Variants in CASK observed in about 807,000 individuals in gnomAD.
CASK encodes the protein peripheral plasma membrane protein CASK.
A neutral mutation model predicts 82.9 loss-of-function variants in CASK; 4 were observed. That is an observed-to-expected ratio of 0.05 (90% CI 0.02 to 0.11). CASK has a LOEUF of 0.11. Among genes scored for constraint, CASK ranks in the 10% least tolerant of loss-of-function variants. The pLI is 1.00. For synonymous variants in CASK, 259 were observed against 253.5 expected (o/e 1.02, Z -0.20); for missense variants, 358 against 720.9 (o/e 0.50, Z 5.76).
At position 41,758,232 on chromosome X, in the gene CASK, C is replaced by T. The variant is rs184913555; in HGVS notation, c.279-12631G>A. ...GGCGGATAGCCTGAGGTCAGGAGTT[C>T]GAGACCAGCCTGGCCAACGTGGTGA... On this transcript the variant is annotated intron_variant, in intron 3 of 26. Coordinates refer to ENST00000378163, the MANE Select transcript of CASK (RefSeq NM_001367721.1). 9.7e-3 allele frequency among the ~76,000 whole-genome samples: 1,063 copies of T among 110,145 alleles called. 15 individuals carry two copies. The highest frequency in any genetic ancestry group is 0.033 in the African/African-American group (1,008 of 30,211).
intron 13 of CASK, among the ~76,000 whole-genome samples, chrX:41,589,240 T>C (rs2065706444): frequency 8.9e-6 from 1 of 112,212 alleles, no homozygotes; most frequent in Non-Finnish European, 1.9e-5. Flanking sequence ...GTAAAATAAC[T>C]TGCTTTTTTA....
intron 8 of CASK, among the ~76,000 whole-genome samples, chrX:41,653,932 A>G (rs2147442845): frequency 8.9e-6 from 1 of 111,926 alleles, no homozygotes; most frequent in African/African-American, 3.2e-5. Flanking sequence ...CAGTCAGCCT[A>G]GTGAATGGAA....
intron 2 of CASK, among the ~76,000 whole-genome samples, chrX:41,810,892 C>T: frequency 9.0e-6 from 1 of 111,248 alleles, no homozygotes; most frequent in South Asian, 3.8e-4. Context: ...GGAAGATCTA[C>T]CAAGCAAATG....
Position 41,760,130 on chromosome X carries a change from A to C in CASK, c.279-14529T>G, listed in dbSNP as rs146404129. On this transcript the variant is annotated intron_variant, in intron 3 of 26. Transcript: ENST00000378163. ...TGTATGGCTTTCTAATAATTTCCAGAAAAAAAGCAAGGCAGATAAGAGCAA... is the reference window on the plus strand; with the variant it reads ...TGTATGGCTTTCTAATAATTTCCAGCAAAAAAGCAAGGCAGATAAGAGCAA... Among the ~76,000 whole-genome samples the C allele has an allele frequency of 8.4e-3, 948 of 112,198 alleles. 2 individuals are homozygous for C. The highest frequency in any genetic ancestry group is 0.018 in the Middle Eastern group (4 of 217).
At chrX:41,917,031 T>TA (rs1397547912) in intron 1 of CASK, among the ~76,000 whole-genome samples, 1 of 112,313 alleles carries the variant, frequency 8.9e-6, no homozygotes, top group Non-Finnish European at 1.9e-5. Flanking sequence ...GAATAGTATA[T>TA]GGAACCTCTA....
intron 5 of CASK, chrX:41,695,704 G>C (rs142652017): frequency 8.3e-7 from 1 of 1,204,718 alleles, no homozygotes; most frequent in Non-Finnish European, 1.1e-6. Context: ...CACAGAATGC[G>C]CTTTATAACC....
intron 25 of CASK, among the ~76,000 whole-genome samples, chrX:41,525,846 C>T (rs1020928702): frequency 4.5e-5 from 5 of 111,388 alleles, no homozygotes; most frequent in Admixed American, 1.9e-4. Flanking sequence ...TTGGCTTTCA[C>T]TAGGATTATA....
At chrX:41,683,342 C>G (rs1418888183) in intron 5 of CASK, 1 of 111,659 alleles carries the variant, frequency 9.0e-6, no homozygotes, top group African/African-American at 3.3e-5. Context: ...CATATTGATG[C>G]CAAACTTCAT....
chrX:41,813,478 A>T (rs1281635223), intron 2 of CASK, among the ~76,000 whole-genome samples: 1 of 111,626 alleles, frequency 9.0e-6, no homozygotes, highest in Admixed American at 9.5e-5. Context: ...CCTGACAAAA[A>T]CAAGAAATAG....
chrX:41,829,568 T>C lies in CASK; in HGVS notation c.172+23547A>G, dbSNP rs765819811. Among the ~76,000 whole-genome samples, 519 of 85,269 alleles carry C rather than the reference T, an allele frequency of 6.1e-3. 3 individuals carry two copies. Among genetic ancestry groups the C allele is most frequent in the Non-Finnish European group, 9.6e-3 (428 of 44,752 alleles). 74.0% of individuals were successfully genotyped at this position (85,269 alleles called of 115,157 possible). A position where few individuals can be genotyped will look rare whatever the true frequency, so the allele number is the denominator to read the frequency against. ...GGTTGTTTCTAATTTAGGGCTATTA[T>C]GAAGAATTCTGCTAAAAGAATTCTT... On this transcript the variant is annotated intron_variant, in intron 2 of 26. Transcript: ENST00000378163.
chrX:41,727,083 A>C, intron 5 of CASK: 2 of 1,165,171 alleles, frequency 1.7e-6, no homozygotes, highest in Non-Finnish European at 2.3e-6. Context: ...TGGCTTTACC[A>C]ATCATTTACA....
chrX:41,615,802 T>C (rs1371989641), intron 11 of CASK, among the ~76,000 whole-genome samples: 1 of 110,061 alleles, frequency 9.1e-6, no homozygotes, highest in Non-Finnish European at 1.9e-5. Flanking sequence ...AATTTTTGTA[T>C]TTTTAGTAGA....
At chrX:41,883,999 T>C (rs1052864468) in intron 1 of CASK, among the ~76,000 whole-genome samples, 1 of 111,860 alleles carries the variant, frequency 8.9e-6, no homozygotes, top group Admixed American at 9.5e-5. Flanking sequence ...ATTACCCTCA[T>C]TGTATTTAGG....
chrX:41,869,667 G>A (rs1323227796), intron 1 of CASK, among the ~76,000 whole-genome samples: 1 of 106,722 alleles, frequency 9.4e-6, no homozygotes, highest in African/African-American at 3.4e-5. Flanking sequence ...ATAAAAATTA[G>A]CTGGGTGCAG....
chrX:41,624,196 CAG>C lies in CASK; in HGVS notation c.1016-1564_1016-1563del, dbSNP rs2066330031. 6 of 334,089 alleles carry C rather than the reference CAG, an allele frequency of 1.8e-5. 1 individual carries two copies. Among genetic ancestry groups the C allele is most frequent in the South Asian group, 1.6e-4 (6 of 38,511 alleles). 27.5% of individuals were successfully genotyped at this position (334,089 alleles called of 1,213,427 possible). On this transcript the variant is annotated intron_variant, in intron 10 of 26. Coordinates refer to ENST00000378163, the MANE Select transcript of CASK (RefSeq NM_001367721.1). ...GTAATCTGAGTGTGAGGAGAGAAGA[CAG>C]AGGTTTCAGCTAACAAAAGAAGTTA...
Position 41,639,230 on chromosome X carries a change from C to T in CASK, c.832-2569G>A, listed in dbSNP as rs773283808. Among the ~76,000 whole-genome samples the T allele has an allele frequency of 3.7e-5, 4 of 109,382 alleles. No individual in the cohort carries two copies. The South Asian group carries it at 1.2e-3, about 33-fold the overall frequency. The allele number at this position is 109,382 out of a possible 115,157, so 95.0% of individuals were successfully genotyped here. On this transcript the variant is annotated intron_variant, in intron 8 of 26. Transcript: ENST00000378163. ...CTGGGACTACAGGTGTGCACCACCA[C>T]GCCCAGCTAATTTTTGTATTTTTAG...
intron 2 of CASK, among the ~76,000 whole-genome samples, chrX:41,834,526 C>A (rs918609943): frequency 9.0e-6 from 1 of 111,233 alleles, no homozygotes; most frequent in Non-Finnish European, 1.9e-5. Flanking sequence ...AAACTGGTTA[C>A]GCTTCTCTCC....
rs753967580 is a variant in CASK, at chrX:41,854,777, T to G, written c.60-1550A>C. Among the ~76,000 whole-genome samples, 7 of 112,380 alleles carry G rather than the reference T, an allele frequency of 6.2e-5. No homozygotes were observed. The South Asian group carries it at 2.2e-3, about 36-fold the overall frequency. On this transcript the variant is annotated intron_variant, in intron 1 of 26. Coordinates refer to ENST00000378163, the MANE Select transcript of CASK (RefSeq NM_001367721.1). ...GAGGAAAAGAAATGGTAATAATATA[T>G]CTTTCAAAACTCTACAGAAAGAGGA...
At chrX:41,725,373 T>C (rs1464436398) in intron 5 of CASK, among the ~76,000 whole-genome samples, 1 of 111,263 alleles carries the variant, frequency 9.0e-6, no homozygotes, top group Non-Finnish European at 1.9e-5. Context: ...GAGAGTAAAA[T>C]TGCCCTGAGG....
Sources: gnomAD v4.1 joint callset for allele counts (sites outside exome capture counted in the v4.1 genomes callset) on GRCh38, gnomAD v4.1.1 for gene constraint, MANE v1.5 for transcripts, NCBI Gene and HGNC (gene_info 2026-07-23, HGNC 2026-07-21) for gene names.